CMSS1: variants seen among roughly 807,000 people sequenced by gnomAD.
The protein encoded by CMSS1 is protein CMSS1.
In CMSS1, 33 loss-of-function variants were observed where a neutral mutation model predicts 43.5. That is an observed-to-expected ratio of 0.76 (90% CI 0.57 to 1.01). The LOEUF (loss-of-function observed/expected upper bound fraction) is 1.01. CMSS1 is among the 50% of genes least tolerant of loss of function. The pLI is 0.00. For synonymous variants in CMSS1, 115 were observed against 117.2 expected, an observed-to-expected ratio of 0.98 and a Z score of 0.12; for missense variants, 313 against 326.4, an observed-to-expected ratio of 0.96 and a Z score of 0.32.
intron 1 of CMSS1, among the ~76,000 whole-genome samples, chr3:99,987,117 C>T (rs1464856004): frequency 6.6e-6 from 1 of 151,998 alleles, no homozygotes; most frequent in Non-Finnish European, 1.5e-5. Context: ...GTAGTTCCAC[C>T]TACTCAGGAG....
chr3:100,097,828 G>C, intron 1 of CMSS1, among the ~76,000 whole-genome samples: 1 of 152,156 alleles, frequency 6.6e-6, no homozygotes, highest in East Asian at 1.9e-4. Context: ...AAAATACTCA[G>C]CTGGATACTT....
At chr3:100,137,524 AATTG>A (rs2066765857) in intron 1 of CMSS1, among the ~76,000 whole-genome samples, 1 of 152,120 alleles carries the variant, frequency 6.6e-6, no homozygotes, top group South Asian at 2.1e-4. Context: ...ACACCCCAAT[AATTG>A]ATAGATAAAA....
At chr3:99,934,204 A>T (rs1326113221) in intron 1 of CMSS1, among the ~76,000 whole-genome samples, 1 of 152,224 alleles carries the variant, frequency 6.6e-6, no homozygotes, top group Non-Finnish European at 1.5e-5. Context: ...GTCAGCCCAG[A>T]TTCAAGATTG....
chr3:100,133,273 A>G (rs2066724377), intron 1 of CMSS1, among the ~76,000 whole-genome samples: 1 of 152,204 alleles, frequency 6.6e-6, no homozygotes, highest in African/African-American at 2.4e-5. Context: ...GGAAATACTC[A>G]TAATATAATA....
chr3:100,172,462 G>A, intron 8 of CMSS1, 59 bp downstream of exon 8: 1 of 1,265,984 alleles, frequency 7.9e-7, no homozygotes, highest in Non-Finnish European at 1.1e-6. Flanking sequence ...TTACCTACAT[G>A]TGAGTCTCAG....
chr3:99,990,538 G>A (rs999052979), intron 1 of CMSS1, among the ~76,000 whole-genome samples: 4 of 152,178 alleles, frequency 2.6e-5, no homozygotes, highest in African/African-American at 9.7e-5. Context: ...ATGTGTTCCA[G>A]TGGTGGTTTT....
intron 1 of CMSS1, among the ~76,000 whole-genome samples, chr3:99,982,060 A>C (rs1709140442): frequency 6.6e-6 from 1 of 151,882 alleles, no homozygotes; most frequent in African/African-American, 2.4e-5. Context: ...ATAAATATGC[A>C]TAAATAGAAG....
intron 1 of CMSS1, among the ~76,000 whole-genome samples, chr3:99,894,178 A>G (rs1443036324): frequency 6.6e-6 from 1 of 152,272 alleles, no homozygotes; most frequent in African/African-American, 2.4e-5. Flanking sequence ...AGGTATTAAT[A>G]GAAAAGGAGA....
chr3:100,139,913 A>G (rs529593658), intron 1 of CMSS1, among the ~76,000 whole-genome samples: 220 of 152,122 alleles, frequency 1.4e-3, no homozygotes, highest in Non-Finnish European at 2.7e-3. Flanking sequence ...AGAACAGCAG[A>G]GTTGAGTAGT....
chr3:100,136,594 A>T (rs1441977818), intron 1 of CMSS1, among the ~76,000 whole-genome samples: 1 of 152,184 alleles, frequency 6.6e-6, no homozygotes. Context: ...TGCTTGCTAC[A>T]TTATCCCCTA....
intron 1 of CMSS1, among the ~76,000 whole-genome samples, chr3:99,892,750 T>G (rs1288972747): frequency 6.6e-6 from 1 of 152,176 alleles, no homozygotes; most frequent in African/African-American, 2.4e-5. Context: ...AGGCTTGCCC[T>G]TATGCCTTAT....
At chr3:100,003,143 C>G (rs772044800) in intron 1 of CMSS1, among the ~76,000 whole-genome samples, 6 of 152,184 alleles carry the variant, frequency 3.9e-5, no homozygotes, top group South Asian at 2.1e-4. Context: ...CCCTGTGTTT[C>G]TCTCCTTTTC....
chr3:100,163,276 C>A (rs2067040584), intron 4 of CMSS1, among the ~76,000 whole-genome samples: 1 of 152,094 alleles, frequency 6.6e-6, no homozygotes, highest in South Asian at 2.1e-4. Context: ...AGAACTTTAG[C>A]CTTAATAAGC....
At chr3:100,119,084 A>G (rs1311932605) in intron 1 of CMSS1, among the ~76,000 whole-genome samples, 1 of 152,190 alleles carries the variant, frequency 6.6e-6, no homozygotes, top group Non-Finnish European at 1.5e-5. Flanking sequence ...TACTAACATT[A>G]TGTGAGTCTG....
At chr3:99,833,072 G>T in intron 1 of CMSS1, 1 of 662,102 alleles carries the variant, frequency 1.5e-6, no homozygotes, top group Non-Finnish European at 2.7e-6. Context: ...TCTACTCAGA[G>T]TTGGAGGCTC....
At chr3:99,824,164 G>A (rs891229880) in intron 1 of CMSS1, among the ~76,000 whole-genome samples, 11 of 151,854 alleles carry the variant, frequency 7.2e-5, no homozygotes. Context: ...CTCTTGATCC[G>A]CCCGCCTCAG....
chr3:100,170,292 C>G (rs1489740890), intron 6 of CMSS1, among the ~76,000 whole-genome samples: 2 of 151,940 alleles, frequency 1.3e-5, no homozygotes, highest in Non-Finnish European at 2.9e-5. Context: ...AGTAGAAAAC[C>G]CATGTTAGGT....
At chr3:100,100,706 T>C (rs1012079791) in intron 1 of CMSS1, among the ~76,000 whole-genome samples, 14 of 152,178 alleles carry the variant, frequency 9.2e-5, no homozygotes, top group African/African-American at 4.8e-5. Flanking sequence ...TACATTTTTG[T>C]TGGTAGCTGA....
rs542646764 is a variant in CMSS1, at chr3:100,159,209, A to G, written c.154-1221A>G. The stretch of plus-strand genomic sequence containing the variant: ...CTCTCTTTTCTTTAGCTATGATGCA[A>G]TTGCTCTTTGCAGGTTTTTTGTTTT... On this transcript the variant is annotated intron_variant, in intron 2 of 9. Coordinates refer to ENST00000421999, the MANE Select transcript of CMSS1 (RefSeq NM_032359.4). Among the ~76,000 whole-genome samples, 7 of 152,372 alleles carry G rather than the reference A, an allele frequency of 4.6e-5. No individual in the cohort carries two copies. The East Asian group carries it at 7.7e-4, about 17-fold the overall frequency.
Sources: allele counts gnomAD v4.1 joint callset (sites outside exome capture counted in the v4.1 genomes callset), GRCh38; gene constraint gnomAD v4.1.1; transcripts MANE v1.5; gene names NCBI Gene and HGNC (gene_info 2026-07-23, HGNC 2026-07-21).